The following FGD5 variants were observed in gnomAD, a reference collection of about 807,000 sequenced individuals.
The protein encoded by FGD5 is FYVE, RhoGEF and PH domain containing 5, also known as FYVE, RhoGEF and PH domain-containing protein 5.
Under a neutral mutation model 133.4 loss-of-function variants are expected in FGD5, and 28 were observed. The ratio of observed to expected loss-of-function variants is 0.21; its 90% CI spans 0.16 to 0.29. The LOEUF (loss-of-function observed/expected upper bound fraction) is 0.29, where lower values mean the gene tolerates loss of function less well. Ranked by LOEUF, FGD5 falls within the 10% of genes least tolerant of loss-of-function variation. The pLI is 1.00. For synonymous variants in FGD5, 810 were observed against 776.5 expected (o/e 1.04, Z -0.72); for missense variants, 1,858 against 1,895.2 (o/e 0.98, Z 0.36).
At position 14,933,351 on chromosome 3, in the gene FGD5, T is replaced by G. The variant is rs2038930862; in HGVS notation, c.*184T>G. On this transcript the variant is annotated 3_prime_UTR_variant, in exon 20 of 20. Transcript: ENST00000285046. ...CCAACATCTTCATGAATGGAATCCT[T>G]AAGGGATATTTATGGACCTCTCCTT... 4 of 655,420 alleles carry G rather than the reference T, an allele frequency of 6.1e-6. No individual in the cohort carries two copies. The Admixed American group carries it at 7.0e-5, about 11-fold the overall frequency. 40.6% of individuals were successfully genotyped at this position (655,420 alleles called of 1,614,324 possible).
chr3:14,869,343 A>G (rs1348319826), intron 2 of FGD5, among the ~76,000 whole-genome samples: 2 of 152,072 alleles, frequency 1.3e-5, no homozygotes, highest in Non-Finnish European at 2.9e-5. Context: ...AAAACTGGCT[A>G]TGGTCGTGAG....
At position 14,841,618 on chromosome 3, in the gene FGD5, A is replaced by G. The variant is rs144148795; in HGVS notation, c.2525+20022A>G. ...AAAAGATACAGGAAAAGTCACAGCT[A>G]TAGGGCATGGGTGTCACTGACAATT... On this transcript the variant is annotated intron_variant, in intron 1 of 19. Transcript: ENST00000285046. 3.8e-3 allele frequency among the ~76,000 whole-genome samples: 570 copies of G among 150,398 alleles called. 7 individuals carry two copies. Among genetic ancestry groups the G allele is most frequent in the African/African-American group, 0.013 (536 of 40,792 alleles).
At chr3:14,926,042 G>A (rs374437034) in intron 17 of FGD5, 28 bp from the exon 18 acceptor site, 9 of 1,611,564 alleles carry the variant, frequency 5.6e-6, no homozygotes, top group Non-Finnish European at 7.6e-6. Flanking sequence ...ACCGGGGTGG[G>A]CTGACCGCTC....
chr3:14,927,676 G>A (rs2038830908), intron 18 of FGD5, among the ~76,000 whole-genome samples: 1 of 152,144 alleles, frequency 6.6e-6, no homozygotes, highest in African/African-American at 2.4e-5. Context: ...ACCCTGAGGT[G>A]GCCCAGAGCT....
intron 10 of FGD5, among the ~76,000 whole-genome samples, chr3:14,908,042 T>G (rs2038372696): frequency 6.6e-6 from 1 of 152,220 alleles, no homozygotes; most frequent in Non-Finnish European, 1.5e-5. Flanking sequence ...CAGAAAATGA[T>G]CTCCCAAGAG....
Position 14,821,188 on chromosome 3 carries a change from T to C in FGD5, c.2117T>C (p.Leu706Pro). 1.2e-6 allele frequency: 2 copies of C among 1,613,932 alleles called. No homozygotes were observed. Among genetic ancestry groups the C allele is most frequent in the Non-Finnish European group, 1.7e-6 (2 of 1,179,880 alleles). The part of the protein sequence containing the change: ...DRRSLSNSPQ[L>P]KSRTGKLRAS... ...AGAAGCCTCAGCAACTCCCCTCAGCTTAAGTCTCGGACTGGGAAGCTCCGG... is the reference window on the plus strand; with the variant it reads ...AGAAGCCTCAGCAACTCCCCTCAGCCTAAGTCTCGGACTGGGAAGCTCCGG... Residue 706 changes from leucine (L) to proline (P), a missense_variant, in exon 1 of 20, where the codon CTT becomes CCT. By Grantham distance (98) the Leu-to-Pro change is moderately conservative (BLOSUM62 -3). Around this residue, in one of 3 missense-constraint regions of FGD5, gnomAD observed 1,824 missense variants for 1,848.9 expected, o/e 0.99. Transcript: ENST00000285046.
At chr3:14,879,367 G>A (rs2037782274) in intron 2 of FGD5, among the ~76,000 whole-genome samples, 1 of 152,232 alleles carries the variant, frequency 6.6e-6, no homozygotes, top group Non-Finnish European at 1.5e-5. Context: ...AGTTGTGTCT[G>A]ATATCCGGCA....
Position 14,898,841 on chromosome 3 carries a change from A to G in FGD5, c.3154+15A>G. On this transcript the variant is annotated intron_variant, in intron 7 of 19. Coordinates refer to ENST00000285046, the MANE Select transcript of FGD5 (RefSeq NM_152536.4). ...GCTCCTCACAGGTGGGCCCCACAGG[A>G]GATCAATGGGGACTGAGGCGGCAGG... 6.4e-7 allele frequency: 1 copy of G among 1,566,836 alleles called. No homozygotes were observed. The highest frequency in any genetic ancestry group is 2.4e-5 in the East Asian group (1 of 42,156).
At chr3:14,912,716 T>G (rs1413510179) in intron 11 of FGD5, among the ~76,000 whole-genome samples, 1 of 152,214 alleles carries the variant, frequency 6.6e-6, no homozygotes, top group Non-Finnish European at 1.5e-5. Flanking sequence ...AAGACATTTT[T>G]TATTCCATGT....
intron 1 of FGD5, among the ~76,000 whole-genome samples, chr3:14,833,046 C>T (rs1187880363): frequency 6.6e-6 from 1 of 152,128 alleles, no homozygotes; most frequent in Non-Finnish European, 1.5e-5. Flanking sequence ...AATTTCTGAG[C>T]GACGAATTAA....
chr3:14,862,025 T>C (rs1269125600), intron 1 of FGD5, among the ~76,000 whole-genome samples: 1 of 152,058 alleles, frequency 6.6e-6, no homozygotes, highest in East Asian at 1.9e-4. Flanking sequence ...GCAGAGGCTG[T>C]GCTAGAGATG....
intron 4 of FGD5, among the ~76,000 whole-genome samples, chr3:14,892,446 G>A (rs555315149): frequency 3.9e-5 from 6 of 152,184 alleles, no homozygotes; most frequent in East Asian, 1.9e-4. Flanking sequence ...CGATCCTCCC[G>A]TGTTGGCCTT....
At chr3:14,835,295 T>G (rs1237426955) in intron 1 of FGD5, among the ~76,000 whole-genome samples, 1 of 152,084 alleles carries the variant, frequency 6.6e-6, no homozygotes, top group African/African-American at 2.4e-5. Context: ...GTCAGGAGTT[T>G]GAGACCAGCT....
At chr3:14,837,109 C>T (rs773408054) in intron 1 of FGD5, among the ~76,000 whole-genome samples, 1 of 152,170 alleles carries the variant, frequency 6.6e-6, no homozygotes, top group Admixed American at 6.5e-5. Flanking sequence ...GTGTGAAGTG[C>T]AGAGAGTCAA....
In FGD5 at chr3:14,917,064, C is replaced by T. The variant is rs1028643517; in HGVS notation, c.3406-185C>T. Among the ~76,000 whole-genome samples, 6 of 152,172 alleles carry T rather than the reference C, an allele frequency of 3.9e-5. No homozygotes were observed. The highest frequency in any genetic ancestry group is 9.7e-5 in the African/African-American group (4 of 41,436). ...ATATGCATTTATTCCTCTCAAGCAT[C>T]GAACCAGGAGTAGAGTGGCAAGGAA... On this transcript the variant is annotated intron_variant, in intron 11 of 19. Coordinates refer to ENST00000285046, the MANE Select transcript of FGD5 (RefSeq NM_152536.4). This position sits in a 1 kb window ranked among gnomAD's most constrained non-coding sequence, Gnocchi z 4.1.
rs1470118894 is a variant in FGD5, at chr3:14,907,591, C to T, written c.3265-49C>T. ...CATGCCTTACAGAGGAGATAAGACG[C>T]CTGGTAGGGGCCCTGACCATCTCTC... On this transcript the variant is annotated intron_variant, in intron 9 of 19. Transcript: ENST00000285046. 3.2e-6 allele frequency: 5 copies of T among 1,561,904 alleles called. No individual in the cohort carries two copies. The Admixed American group carries it at 7.0e-5, about 22-fold the overall frequency.
intron 9 of FGD5, among the ~76,000 whole-genome samples, chr3:14,905,259 T>C (rs2038316700): frequency 6.6e-6 from 1 of 152,196 alleles, no homozygotes. Flanking sequence ...CATGAGTATC[T>C]GTCTTTGTGT....
intron 4 of FGD5, among the ~76,000 whole-genome samples, chr3:14,894,051 G>C (rs1327436234): frequency 6.6e-6 from 1 of 151,968 alleles, no homozygotes; most frequent in Non-Finnish European, 1.5e-5. Context: ...AACCACTGTG[G>C]CCGGCCTTGT....
chr3:14,819,772 G>A lies in FGD5; in HGVS notation c.701G>A (p.Gly234Asp). 6.4e-7 allele frequency: 1 copy of A among 1,550,820 alleles called. No individual in the cohort carries two copies. Among genetic ancestry groups the A allele is most frequent in the Non-Finnish European group, 8.7e-7 (1 of 1,147,690 alleles). The change falls in exon 1 of 20, where the codon GGT becomes GAT. Residue 234 changes from glycine to aspartate, a missense_variant. This residue lies in a region of FGD5 where 1,824 missense variants were observed against 1,848.9 expected (regional missense o/e 0.99). Transcript: ENST00000285046. This position sits in a 1 kb window ranked among gnomAD's most constrained non-coding sequence, Gnocchi z 4.1. ...TDPAGADEGSGPDRPTEDMGQ... is the reference protein window; with the variant it reads ...TDPAGADEGSDPDRPTEDMGQ... ...CCAGCAGGGGCAGATGAGGGTTCGGGTCCTGACAGGCCCACGGAGGACATG... is the reference window on the plus strand; with the variant it reads ...CCAGCAGGGGCAGATGAGGGTTCGGATCCTGACAGGCCCACGGAGGACATG...
Sources: gnomAD v4.1 joint callset for allele counts (sites outside exome capture counted in the v4.1 genomes callset) on GRCh38, gnomAD v4.1.1 for gene constraint, gnomAD v4.1.1 regional missense constraint, Gnocchi (gnomAD v3.1) non-coding constraint, MANE v1.5 for transcripts, NCBI Gene and HGNC (gene_info 2026-07-23, HGNC 2026-07-21) for gene names.